The following SDF4 variants were observed in gnomAD, a reference collection of about 807,000 sequenced individuals.
The protein encoded by SDF4 is 45 kDa calcium-binding protein.
Under a neutral mutation model 34.2 loss-of-function variants are expected in SDF4, and 22 were observed. The ratio of observed to expected loss-of-function variants is 0.64; its 90% CI spans 0.46 to 0.92. The LOEUF (loss-of-function observed/expected upper bound fraction) is 0.92, where lower values mean the gene tolerates loss of function less well. Among genes scored for constraint, SDF4 ranks in the 40% least tolerant of loss-of-function variants. SDF4 has a pLI of 0.00. For missense variants in SDF4, 447 were observed against 499.9 expected (o/e 0.89, Z 1.01); for synonymous variants, 236 against 203.1 (o/e 1.16, Z -1.38).
Position 1,217,144 on chromosome 1 carries a change from G to A in SDF4, c.*368C>T, listed in dbSNP as rs1291579910. The A allele has an allele frequency of 6.5e-6, 1 of 153,448 alleles. No homozygotes were observed. Among genetic ancestry groups the A allele is most frequent in the African/African-American group, 2.4e-5 (1 of 41,458 alleles). 9.5% of individuals were successfully genotyped at this position (153,448 alleles called of 1,614,324 possible). ...AAATGGAGGAGCTGTTTTTTCCCACGGAGCGGCGGCCCTGGGAGGGGCCGG... is the reference window on the plus strand; with the variant it reads ...AAATGGAGGAGCTGTTTTTTCCCACAGAGCGGCGGCCCTGGGAGGGGCCGG... On this transcript the variant is annotated 3_prime_UTR_variant, in exon 7 of 7. Transcript: ENST00000360001. This position sits in a 1 kb window ranked among gnomAD's most constrained non-coding sequence, Gnocchi z 8.5.
intron 4 of SDF4, chr1:1,220,999 A>G: frequency 2.9e-6 from 1 of 350,188 alleles, no homozygotes; most frequent in South Asian, 2.2e-5. Context: ...TTGTGCCTGT[A>G]ATCCCGGCAT....
In SDF4 at chr1:1,218,531, T is replaced by C; in HGVS notation, c.818A>G (p.Lys273Arg). 1 of 1,614,034 alleles carries C rather than the reference T, an allele frequency of 6.2e-7. No individual in the cohort carries two copies. The highest frequency in any genetic ancestry group is 8.5e-7 in the Non-Finnish European group (1 of 1,179,936). The change falls in exon 6 of 7, where the codon AAA becomes AGA. Residue 273 changes from lysine (K) to arginine (R), a missense_variant. Lys to Arg is a conservative substitution (Grantham distance 26). Coordinates refer to ENST00000360001, the MANE Select transcript of SDF4 (RefSeq NM_016176.6). The surrounding 1 kb of genome is among the most constrained non-coding windows in gnomAD (Gnocchi z 7.9). The stretch of plus-strand genomic sequence containing the variant: ...CTCCTCAAACTCCTTTTTTCTGTCT[T>C]TCACCCAGTTGTCGTCAATGTCCTG... Reference protein sequence around the residue: ...QGQDIDDNWVKDRKKEFEELI... With the variant: ...QGQDIDDNWVRDRKKEFEELI...
chr1:1,219,959 G>A (rs1649823121), intron 4 of SDF4: 3 of 985,586 alleles, frequency 3.0e-6, no homozygotes, highest in South Asian at 9.4e-5. Flanking sequence ...TCACTTAAAG[G>A]AAGACAGGAG....
At chr1:1,224,061 T>G (rs1205939732) in intron 2 of SDF4, 93 bp from the exon 3 acceptor site, 3 of 1,557,962 alleles carry the variant, frequency 1.9e-6, no homozygotes, top group African/African-American at 1.4e-5. Context: ...ACTCCATGGC[T>G]GCGTGAACCT....
intron 1 of SDF4, among the ~76,000 whole-genome samples, chr1:1,230,308 T>C (rs1481518812): frequency 1.3e-5 from 2 of 152,250 alleles, no homozygotes; most frequent in South Asian, 2.1e-4. Flanking sequence ...CTGGGTAATA[T>C]TAAACGAAAA....
Position 1,218,363 on chromosome 1 carries a change from A to G in SDF4, c.891+95T>C. On this transcript the variant is annotated intron_variant, in intron 6 of 6. Transcript: ENST00000360001. The surrounding 1 kb of genome is among the most constrained non-coding windows in gnomAD (Gnocchi z 7.9). ...CAGATGGAGTCTCAGGCCAGACACC[A>G]GCACAGCTTCCTGCCTCAGGCCCAG... The G allele has an allele frequency of 7.3e-7, 1 of 1,366,046 alleles. No individual in the cohort carries two copies. The highest frequency in any genetic ancestry group is 1.3e-5 in the South Asian group (1 of 74,414). The allele number at this position is 1,366,046 out of a possible 1,614,324, so 84.6% of individuals were successfully genotyped here.
chr1:1,223,080 C>T, intron 4 of SDF4, 164 bp downstream of exon 4: 1 of 621,428 alleles, frequency 1.6e-6, no homozygotes, highest in South Asian at 1.9e-5. Context: ...TACTCACGAG[C>T]ACGCGCACAG....
In SDF4 at chr1:1,223,353, G is replaced by A. The variant is rs752147587; in HGVS notation, c.447C>T (p.His149=). ...TCACCTTATACTCGTCCCAAGACAC[G>A]TGACCTGGAAGAGCAGATCACACCT... ...FRAVDPDGDG[H]VSWDEYKVKF... The change falls in exon 4 of 7, where the codon CAC becomes CAT. Residue 149 remains histidine, a synonymous_variant. Coordinates refer to ENST00000360001, the MANE Select transcript of SDF4 (RefSeq NM_016176.6). 9 of 1,607,774 alleles carry A rather than the reference G, an allele frequency of 5.6e-6. No homozygotes were observed. Among genetic ancestry groups the A allele is most frequent in the Middle Eastern group, 1.7e-4 (1 of 6,040 alleles).
At chr1:1,221,463 C>T (rs531570277) in intron 4 of SDF4, 1 of 152,374 alleles carries the variant, frequency 6.6e-6, no homozygotes, top group African/African-American at 2.4e-5. Flanking sequence ...CTCAGGAGGC[C>T]GCCCCCATGG....
chr1:1,225,903 G>A (rs1248501264), intron 2 of SDF4, among the ~76,000 whole-genome samples: 1 of 152,246 alleles, frequency 6.6e-6, no homozygotes, highest in African/African-American at 2.4e-5. Flanking sequence ...CCAAACTCAG[G>A]TGCCTGAAGA....
intron 4 of SDF4, chr1:1,219,913 A>T: frequency 1.0e-6 from 1 of 983,272 alleles, no homozygotes; most frequent in Non-Finnish European, 1.2e-6. Flanking sequence ...GTCCCATCTT[A>T]TCCCTTTCTG....
Position 1,223,858 on chromosome 1 carries a change from AAGTG to A in SDF4, c.412_415del (p.His138SerfsTer19). On this transcript the variant is annotated frameshift_variant, in exon 3 of 7. Transcript: ENST00000360001. LOFTEE classifies it high-confidence loss of function. ...GTCCCCGTCAGGGTCCACGGCGCGG[AAGTG>A]TGTCTTGCTCTCCTCCATGGCCTCC... is the stretch of plus-strand genomic sequence containing the variant. The A allele has an allele frequency of 6.9e-7, 1 of 1,452,884 alleles. No individual in the cohort carries two copies. The highest frequency in any genetic ancestry group is 9.2e-7 in the Non-Finnish European group (1 of 1,085,522). 90.0% of individuals were successfully genotyped at this position (1,452,884 alleles called of 1,614,324 possible).
At chr1:1,219,076 A>C (rs956016568) in intron 4 of SDF4, 149 bp from the exon 5 acceptor site, 2 of 1,557,110 alleles carry the variant, frequency 1.3e-6, no homozygotes, top group Non-Finnish European at 1.7e-6. Flanking sequence ...TCCCCAGAAC[A>C]TGGCCCAGCC....
chr1:1,226,681 G>A (rs982124295), intron 2 of SDF4, among the ~76,000 whole-genome samples: 4 of 152,196 alleles, frequency 2.6e-5, no homozygotes, highest in African/African-American at 9.7e-5. Context: ...AGGAGTCAGG[G>A]AGACCCGGAG....
intron 3 of SDF4, 43 bp downstream of exon 3, chr1:1,223,789 C>G (rs759440541): frequency 1.7e-6 from 1 of 590,906 alleles, no homozygotes; most frequent in Non-Finnish European, 3.0e-6. Context: ...TGGCCCTGCC[C>G]GCCCCGCCCA....
intron 2 of SDF4, among the ~76,000 whole-genome samples, chr1:1,224,545 G>T (rs768030577): frequency 6.6e-6 from 1 of 152,326 alleles, no homozygotes; most frequent in South Asian, 2.1e-4. Context: ...CTCCCAACGT[G>T]CTAGGATTAC....
intron 2 of SDF4, 65 bp downstream of exon 2, chr1:1,228,403 G>C (rs1362079508): frequency 7.4e-6 from 11 of 1,495,786 alleles, no homozygotes; most frequent in African/African-American, 1.4e-5. Flanking sequence ...CGCAAAGCCA[G>C]GATAGGAACA....
chr1:1,224,085 A>G, intron 2 of SDF4, 117 bp from the exon 3 acceptor site: 1 of 1,525,584 alleles, frequency 6.6e-7, no homozygotes, highest in South Asian at 1.2e-5. Context: ...ACCAACAGCG[A>G]CAGGCTCCAC....
At chr1:1,219,750 TCTTGG>T in intron 4 of SDF4, 1 of 985,836 alleles carries the variant, frequency 1.0e-6, no homozygotes, top group Non-Finnish European at 1.2e-6. Flanking sequence ...TCCTGCCCCA[TCTTGG>T]GGCTCACTGC....
Sources: allele counts gnomAD v4.1 joint callset (sites outside exome capture counted in the v4.1 genomes callset), GRCh38; gene constraint gnomAD v4.1.1; non-coding constraint Gnocchi (gnomAD v3.1); transcripts MANE v1.5; gene names NCBI Gene and HGNC (gene_info 2026-07-23, HGNC 2026-07-21).